CIMAP1D: variants seen among roughly 807,000 people sequenced by gnomAD.
The protein encoded by CIMAP1D is CIMAP1 family member D, also known as protein CIMAP1D.
the CIMAP1D span, chr19:489,946 G>A: frequency 2.5e-6 from 1 of 397,990 alleles, no homozygotes; most frequent in African/African-American, 2.1e-5. Context: ...GCCCCTGCCC[G>A]GTGCTGAGAG....
the CIMAP1D span, among the ~76,000 whole-genome samples, chr19:474,375 C>A: frequency 6.6e-6 from 1 of 152,258 alleles, no homozygotes; most frequent in African/African-American, 2.4e-5. Flanking sequence ...GCTGTACCCA[C>A]AGCCCCTGGA....
the CIMAP1D span, among the ~76,000 whole-genome samples, chr19:470,271 G>A: frequency 6.7e-6 from 1 of 149,214 alleles, no homozygotes; most frequent in African/African-American, 2.5e-5. Context: ...CAGTGGCACA[G>A]TCTCAGCTCA....
chr19:482,807 C>G, the CIMAP1D span, among the ~76,000 whole-genome samples: 2 of 152,182 alleles, frequency 1.3e-5, no homozygotes, highest in South Asian at 4.1e-4. Flanking sequence ...ACCTGCCAGT[C>G]TGAATGTCAC....
chr19:463,682 G>C, the CIMAP1D span: 1 of 1,024,486 alleles, frequency 9.8e-7, no homozygotes, highest in Non-Finnish European at 1.4e-6. Context: ...CAGCCCCCAG[G>C]GACTGGAAGG....
At chr19:467,608 G>C in the CIMAP1D span, 1 of 1,310,530 alleles carries the variant, frequency 7.6e-7, no homozygotes, top group African/African-American at 1.5e-5. Flanking sequence ...TGAGACCCTG[G>C]AAAGCAGGTC....
At chr19:488,983 G>C in the CIMAP1D span, among the ~76,000 whole-genome samples, 1 of 152,060 alleles carries the variant, frequency 6.6e-6, no homozygotes, top group Non-Finnish European at 1.5e-5. Context: ...GCCCGCATCA[G>C]CCCGCCACGA....
At chr19:467,999 T>C in the CIMAP1D span, among the ~76,000 whole-genome samples, 1 of 152,148 alleles carries the variant, frequency 6.6e-6, no homozygotes, top group African/African-American at 2.4e-5. Context: ...CTGCTGCTGT[T>C]TGTAGCCACC....
chr19:478,153 A>C, the CIMAP1D span, among the ~76,000 whole-genome samples: 10 of 152,196 alleles, frequency 6.6e-5, no homozygotes, highest in Non-Finnish European at 1.3e-4. Context: ...AGAGAGGAGG[A>C]AAGGCCCCAA....
the CIMAP1D span, chr19:464,072 G>T: frequency 6.4e-7 from 1 of 1,571,164 alleles, no homozygotes. Flanking sequence ...GCTGGCGGTA[G>T]GTGTTTGCGT....
At chr19:483,143 A>G in the CIMAP1D span, among the ~76,000 whole-genome samples, 3 of 152,160 alleles carry the variant, frequency 2.0e-5, no homozygotes, top group Non-Finnish European at 4.4e-5. Context: ...CTCCAGACCC[A>G]TGCTGACTTG....
At chr19:464,282 G>A in the CIMAP1D span, 1 of 1,541,344 alleles carries the variant, frequency 6.5e-7, no homozygotes, top group Non-Finnish European at 8.7e-7. Flanking sequence ...GGCAGCCCAG[G>A]GTGAAAGCCG....
chr19:464,018 TCGCGGGGCCCGGGGC>T, the CIMAP1D span: 2 of 1,606,868 alleles, frequency 1.2e-6, no homozygotes, highest in African/African-American at 2.7e-5. Flanking sequence ...CCTCCAGGGG[TCGCGGGGCCCGGGGC>T]CGCCCCAGCA....
At chr19:486,892 C>T in the CIMAP1D span, among the ~76,000 whole-genome samples, 11 of 151,914 alleles carry the variant, frequency 7.2e-5, no homozygotes, top group South Asian at 1.3e-3. Context: ...CCAGCCTGGG[C>T]GACAGAGCAA....
chr19:477,120 T>C, the CIMAP1D span, among the ~76,000 whole-genome samples: 3 of 152,182 alleles, frequency 2.0e-5, no homozygotes, highest in Admixed American at 1.3e-4. Flanking sequence ...GGTGAGAGGA[T>C]TGCTTGAGCC....
the CIMAP1D span, among the ~76,000 whole-genome samples, chr19:471,899 C>T: frequency 1.3e-5 from 2 of 152,256 alleles, no homozygotes; most frequent in Non-Finnish European, 1.5e-5. Flanking sequence ...CCCGCCACCA[C>T]GCCCGGCTAA....
the CIMAP1D span, among the ~76,000 whole-genome samples, chr19:479,410 T>G: frequency 5.0e-3 from 407 of 82,068 alleles, 3 homozygotes; most frequent in African/African-American, 0.019. Context: ...TTTTTTTTTT[T>G]TGGGGGGGGG....
chr19:485,276 A>G, the CIMAP1D span, among the ~76,000 whole-genome samples: 6 of 152,320 alleles, frequency 3.9e-5, no homozygotes, highest in Admixed American at 3.3e-4. Flanking sequence ...GCAGGCGCGC[A>G]CACACACGCG....
chr19:484,020 T>C, the CIMAP1D span, among the ~76,000 whole-genome samples: 4 of 152,148 alleles, frequency 2.6e-5, no homozygotes, highest in African/African-American at 4.8e-5. Flanking sequence ...TTCCATCCCA[T>C]GAAGATGCCA....
the CIMAP1D span, among the ~76,000 whole-genome samples, chr19:480,586 G>A: frequency 2.9e-3 from 412 of 141,900 alleles, no homozygotes; most frequent in East Asian, 8.8e-3. Flanking sequence ...GATGGAGAAG[G>A]AATGTGGGAA....
Sources: gnomAD v4.1 joint callset for allele counts (sites outside exome capture counted in the v4.1 genomes callset) on GRCh38, gnomAD v4.1.1 for gene constraint, MANE v1.5 for transcripts, NCBI Gene and HGNC (gene_info 2026-07-23, HGNC 2026-07-21) for gene names.